The following BBX variants were observed in gnomAD, a reference collection of about 807,000 sequenced individuals.
The protein encoded by BBX is BBX high mobility group box domain containing.
BBX carries 30 observed loss-of-function variants against 100.2 expected under a neutral mutation model. The ratio of observed to expected loss-of-function variants is 0.30; its 90% CI spans 0.22 to 0.41. The LOEUF is 0.41. Ranked by LOEUF, BBX falls within the 10% of genes least tolerant of loss-of-function variation. BBX has a pLI of 1.00. For missense variants in BBX, 1,023 were observed against 1,129.8 expected, an observed-to-expected ratio of 0.91 and a Z score of 1.35; for synonymous variants, 376 against 388.1, an observed-to-expected ratio of 0.97 and a Z score of 0.37.
At chr3:107,775,653 G>T (rs1576751510) in intron 12 of BBX, among the ~76,000 whole-genome samples, 1 of 151,920 alleles carries the variant, frequency 6.6e-6, no homozygotes, top group African/African-American at 2.4e-5. Flanking sequence ...TCAAAAGTGT[G>T]TTTAAAGCTA....
At chr3:107,634,963 T>C (rs1301182067) in intron 2 of BBX, among the ~76,000 whole-genome samples, 1 of 152,226 alleles carries the variant, frequency 6.6e-6, no homozygotes, top group Non-Finnish European at 1.5e-5. Flanking sequence ...GATTATGTGA[T>C]GTTCATGTGT....
chr3:107,620,889 A>AG (rs1228741125), intron 2 of BBX, among the ~76,000 whole-genome samples: 1 of 120,990 alleles, frequency 8.3e-6, no homozygotes, highest in Non-Finnish European at 1.6e-5. Flanking sequence ...ATTGCTGCAT[A>AG]GGGGGTTGGA....
intron 2 of BBX, among the ~76,000 whole-genome samples, chr3:107,584,119 A>T (rs865985524): frequency 1.2e-4 from 3 of 25,672 alleles, no homozygotes; most frequent in East Asian, 9.2e-4. Flanking sequence ...TATTATATAT[A>T]ATATATATAT....
At chr3:107,798,305 T>G (rs2069976373) in intron 15 of BBX, among the ~76,000 whole-genome samples, 1 of 152,178 alleles carries the variant, frequency 6.6e-6, no homozygotes, top group African/African-American at 2.4e-5. Context: ...AGAGGGGGTG[T>G]CTTAATTCAC....
intron 3 of BBX, among the ~76,000 whole-genome samples, chr3:107,675,829 G>A (rs1359590948): frequency 6.6e-6 from 1 of 152,082 alleles, no homozygotes; most frequent in Non-Finnish European, 1.5e-5. Flanking sequence ...TCTGTGAATT[G>A]GGGGACAAGA....
At position 107,716,616 on chromosome 3, in the gene BBX, C is replaced by T. The variant is rs200978545; in HGVS notation, c.172C>T (p.Leu58Phe). 2.3e-5 allele frequency: 37 copies of T among 1,613,414 alleles called. No homozygotes were observed. Among genetic ancestry groups the T allele is most frequent in the Non-Finnish European group, 2.9e-5 (34 of 1,179,604 alleles). The part of the protein sequence containing the change: ...EEEDIDKVQL[L>F]GADGLEQDVG... ...TTTTTGGTGGTAATAGGTTCAACTTCTTGGGGCCGATGGCCTAGAGCAAGA... is the reference window on the plus strand; with the variant it reads ...TTTTTGGTGGTAATAGGTTCAACTTTTTGGGGCCGATGGCCTAGAGCAAGA... The change falls in exon 5 of 18, where the codon CTT (leucine) becomes TTT (phenylalanine). Residue 58 changes from leucine to phenylalanine, a missense_variant. Physicochemically the swap from Leu to Phe is conservative, Grantham distance 22 (BLOSUM62 0). This residue lies in a region of BBX where 229 missense variants were observed against 226.3 expected (regional missense o/e 1.01). Transcript: ENST00000325805.
chr3:107,712,920 C>A (rs1276763126), intron 4 of BBX, among the ~76,000 whole-genome samples: 1 of 152,156 alleles, frequency 6.6e-6, no homozygotes, highest in Non-Finnish European at 1.5e-5. Flanking sequence ...TCTTTTCACT[C>A]ACACTCAGTG....
intron 10 of BBX, among the ~76,000 whole-genome samples, chr3:107,771,136 G>A (rs555437333): frequency 1.4e-4 from 21 of 151,976 alleles, no homozygotes; most frequent in Admixed American, 1.0e-3. Flanking sequence ...TGACCAAATC[G>A]GCATCATCAA....
chr3:107,646,754 T>C (rs1340000186), intron 3 of BBX, among the ~76,000 whole-genome samples: 1 of 152,162 alleles, frequency 6.6e-6, no homozygotes, highest in Non-Finnish European at 1.5e-5. Flanking sequence ...AAGGAACTTA[T>C]TCTTTAACTT....
chr3:107,747,607 AG>A (rs2064731432), intron 8 of BBX, among the ~76,000 whole-genome samples: 1 of 151,766 alleles, frequency 6.6e-6, no homozygotes. Flanking sequence ...AGAGTGAGGG[AG>A]TGGCTTCACT....
chr3:107,564,621 G>A (rs1330809364), intron 2 of BBX, among the ~76,000 whole-genome samples: 1 of 152,160 alleles, frequency 6.6e-6, no homozygotes, highest in African/African-American at 2.4e-5. Context: ...AGCCCCGTCT[G>A]TAGTCTAGTG....
At chr3:107,607,052 A>G (rs1436112918) in intron 2 of BBX, among the ~76,000 whole-genome samples, 1 of 152,104 alleles carries the variant, frequency 6.6e-6, no homozygotes, top group African/African-American at 2.4e-5. Flanking sequence ...TGGCTTATTA[A>G]CTTAATGACC....
At chr3:107,652,834 A>G (rs1288354913) in intron 3 of BBX, among the ~76,000 whole-genome samples, 1 of 152,218 alleles carries the variant, frequency 6.6e-6, no homozygotes, top group Non-Finnish European at 1.5e-5. Context: ...TGGATATTCT[A>G]TATAAACACA....
In BBX at chr3:107,807,070, A is replaced by G. The variant is rs1448492536; in HGVS notation, c.*1613A>G. On this transcript the variant is annotated 3_prime_UTR_variant, in exon 18 of 18. Transcript: ENST00000325805. ...AATTGTAATTTGACGTAATAGCCAT[A>G]CAAAAAATGACTCTATTCATACTAG... The G allele has an allele frequency of 6.6e-6, 1 of 152,208 alleles. No individual in the cohort carries two copies. The highest frequency in any genetic ancestry group is 2.4e-5 in the African/African-American group (1 of 41,446). The allele number at this position is 152,208 out of a possible 1,614,324, so 9.4% of individuals were successfully genotyped here.
At chr3:107,718,055 A>C (rs2062231262) in intron 5 of BBX, among the ~76,000 whole-genome samples, 2 of 151,778 alleles carry the variant, frequency 1.3e-5, no homozygotes, top group Admixed American at 1.3e-4. Context: ...CTAAAAACAT[A>C]AACATTAAAC....
At chr3:107,565,720 A>G (rs1373321741) in intron 2 of BBX, among the ~76,000 whole-genome samples, 2 of 149,930 alleles carry the variant, frequency 1.3e-5, no homozygotes, top group African/African-American at 2.4e-5. Flanking sequence ...CACTGGGATC[A>G]TGCTCGGATT....
chr3:107,714,282 C>T (rs959241695), intron 4 of BBX, among the ~76,000 whole-genome samples: 3 of 152,078 alleles, frequency 2.0e-5, no homozygotes, highest in Non-Finnish European at 2.9e-5. Context: ...TGATTTGTTT[C>T]TCACAATGTA....
intron 6 of BBX, among the ~76,000 whole-genome samples, chr3:107,732,318 C>A (rs1485117914): frequency 6.6e-6 from 1 of 152,108 alleles, no homozygotes; most frequent in African/African-American, 2.4e-5. Flanking sequence ...AAAACAAAGA[C>A]TTTGATAACA....
chr3:107,695,138 A>G (rs1277254335), intron 3 of BBX, among the ~76,000 whole-genome samples: 3 of 126,770 alleles, frequency 2.4e-5, no homozygotes, highest in Non-Finnish European at 4.9e-5. Context: ...GATCCTTTCA[A>G]AAAACCAGCT....
Sources: allele counts gnomAD v4.1 joint callset (sites outside exome capture counted in the v4.1 genomes callset), GRCh38; gene constraint gnomAD v4.1.1; regional missense constraint gnomAD v4.1.1; transcripts MANE v1.5; gene names NCBI Gene and HGNC (gene_info 2026-07-23, HGNC 2026-07-21).